SCAMP1: variants seen among roughly 807,000 people sequenced by gnomAD.
SCAMP1 encodes secretory carrier-associated membrane protein 1.
SCAMP1 carries 15 observed loss-of-function variants against 41.8 expected under a neutral mutation model. That is an observed-to-expected ratio of 0.36 (90% CI 0.24 to 0.55). The LOEUF (loss-of-function observed/expected upper bound fraction) is 0.55. Among genes scored for constraint, SCAMP1 ranks in the 20% least tolerant of loss-of-function variants. The pLI is 0.86. For missense variants in SCAMP1, 341 were observed against 412.6 expected (o/e 0.83, Z 1.50); for synonymous variants, 135 against 136.8 (o/e 0.99, Z 0.09).
At chr5:78,425,655 C>T (rs181201628) in intron 6 of SCAMP1, among the ~76,000 whole-genome samples, 21 of 152,216 alleles carry the variant, frequency 1.4e-4, no homozygotes, top group African/African-American at 4.8e-4. Flanking sequence ...CTTATGTGGG[C>T]ATTTACCTTT....
chr5:78,429,364 AT>A (rs35131102), intron 6 of SCAMP1, among the ~76,000 whole-genome samples: 109,917 of 136,550 alleles, frequency 0.8, 44,112 homozygotes, highest in African/African-American at 0.9. Flanking sequence ...TTTTTTTTTA[AT>A]TTTTTTTTAT....
intron 6 of SCAMP1, among the ~76,000 whole-genome samples, chr5:78,447,370 A>G (rs6864066): frequency 0.45 from 68,521 of 151,876 alleles, 16,232 homozygotes; most frequent in Non-Finnish European, 0.5. Flanking sequence ...CTTACTAGAA[A>G]ACTTCAAAAT....
intron 2 of SCAMP1, 28 bp from the exon 3 acceptor site, chr5:78,415,492 A>G (rs763178900): frequency 7.2e-7 from 1 of 1,390,620 alleles, no homozygotes; most frequent in South Asian, 1.3e-5. Context: ...TCTGTGTTAC[A>G]TAATTTTCCT....
chr5:78,369,195 C>T (rs1421595132), intron 1 of SCAMP1, among the ~76,000 whole-genome samples: 2 of 151,808 alleles, frequency 1.3e-5, no homozygotes, highest in African/African-American at 4.8e-5. Context: ...CAACCTCCAC[C>T]ACGCAGGTTC....
At chr5:78,457,631 A>T (rs993005779) in intron 7 of SCAMP1, among the ~76,000 whole-genome samples, 74 of 152,232 alleles carry the variant, frequency 4.9e-4, no homozygotes, top group South Asian at 1.9e-3. Context: ...GTTACTGCTG[A>T]CTTTTTGTTT....
At chr5:78,431,866 AG>A (rs1752633812) in intron 6 of SCAMP1, among the ~76,000 whole-genome samples, 1 of 152,088 alleles carries the variant, frequency 6.6e-6, no homozygotes, top group Non-Finnish European at 1.5e-5. Flanking sequence ...GTATATTTAT[AG>A]GATATATGAG....
At chr5:78,380,978 A>G (rs1378321535) in intron 1 of SCAMP1, among the ~76,000 whole-genome samples, 2 of 152,180 alleles carry the variant, frequency 1.3e-5, no homozygotes, top group Admixed American at 6.5e-5. Flanking sequence ...AGGCAGGAGA[A>G]TCACTTGAAT....
At chr5:78,420,705 TTAA>T (rs1293912699) in intron 5 of SCAMP1, among the ~76,000 whole-genome samples, 1 of 152,104 alleles carries the variant, frequency 6.6e-6, no homozygotes, top group Non-Finnish European at 1.5e-5. Context: ...GGAGCTCTTT[TTAA>T]AAAAAAACAA....
intron 8 of SCAMP1, among the ~76,000 whole-genome samples, chr5:78,474,737 A>C (rs1656020909): frequency 6.6e-6 from 1 of 152,178 alleles, no homozygotes; most frequent in Non-Finnish European, 1.5e-5. Context: ...TGGGCATATA[A>C]TTAATAAATG....
chr5:78,418,951 T>C (rs1752272880), intron 5 of SCAMP1, 48 bp downstream of exon 5: 6 of 1,489,490 alleles, frequency 4.0e-6, no homozygotes, highest in Admixed American at 2.4e-5. Flanking sequence ...GTATTTTTGT[T>C]GTCAAAATCC....
At chr5:78,406,176 T>C (rs946479666) in intron 2 of SCAMP1, among the ~76,000 whole-genome samples, 3 of 152,152 alleles carry the variant, frequency 2.0e-5, no homozygotes, top group Non-Finnish European at 2.9e-5. Flanking sequence ...AGAATCACCA[T>C]GGGGAGTTTG....
At chr5:78,394,738 A>C (rs1401736581) in intron 2 of SCAMP1, among the ~76,000 whole-genome samples, 1 of 151,666 alleles carries the variant, frequency 6.6e-6, no homozygotes, top group Admixed American at 6.6e-5. Flanking sequence ...CTTGGAGCTC[A>C]TTATCTGTCC....
At chr5:78,472,978 C>A (rs2112256926) in intron 8 of SCAMP1, among the ~76,000 whole-genome samples, 1 of 152,180 alleles carries the variant, frequency 6.6e-6, no homozygotes, top group Middle Eastern at 3.4e-3. Context: ...CTATAATACA[C>A]TTCATTTTCT....
In SCAMP1 at chr5:78,476,602, A is replaced by G. The variant is rs935998092; in HGVS notation, c.*934A>G. ...TCTTTTTTGGGGATGTGTGTGTGTG[A>G]TTTTTAACAGAGGTATTAAAGGCTA... On this transcript the variant is annotated 3_prime_UTR_variant, in exon 9 of 9. Transcript: ENST00000621999. The G allele has an allele frequency of 8.5e-5, 13 of 152,574 alleles. No individual in the cohort carries two copies. Among genetic ancestry groups the G allele is most frequent in the African/African-American group, 2.9e-4 (12 of 41,538 alleles). The allele number at this position is 152,574 out of a possible 1,614,324, so 9.5% of individuals were successfully genotyped here.
intron 7 of SCAMP1, among the ~76,000 whole-genome samples, chr5:78,456,258 T>G (rs1411194312): frequency 6.7e-6 from 1 of 148,850 alleles, no homozygotes; most frequent in Non-Finnish European, 1.5e-5. Context: ...GCTCGTTAGT[T>G]GATGCAGTTT....
chr5:78,453,217 T>C (rs1222641851), intron 7 of SCAMP1, among the ~76,000 whole-genome samples: 5 of 151,496 alleles, frequency 3.3e-5, no homozygotes, highest in Non-Finnish European at 7.4e-5. Flanking sequence ...ATTTTGGCTT[T>C]TGTTGCCATT....
intron 6 of SCAMP1, among the ~76,000 whole-genome samples, chr5:78,447,009 C>T (rs1013833806): frequency 1.2e-4 from 18 of 152,356 alleles, no homozygotes; most frequent in African/African-American, 3.8e-4. Flanking sequence ...CACCTGAGCT[C>T]TGCCTCCTGT....
intron 7 of SCAMP1, among the ~76,000 whole-genome samples, chr5:78,456,488 T>C (rs1190215699): frequency 6.6e-6 from 1 of 151,950 alleles, no homozygotes; most frequent in Non-Finnish European, 1.5e-5. Flanking sequence ...AAAATTCTTT[T>C]CTTTAAGAAT....
chr5:78,470,668 A>C (rs1753864497), intron 8 of SCAMP1, among the ~76,000 whole-genome samples: 1 of 152,112 alleles, frequency 6.6e-6, no homozygotes, highest in Admixed American at 6.6e-5. Context: ...TCTTGTGTAC[A>C]TATATACCCA....
Sources: gnomAD v4.1 joint callset for allele counts (sites outside exome capture counted in the v4.1 genomes callset) on GRCh38, gnomAD v4.1.1 for gene constraint, MANE v1.5 for transcripts, NCBI Gene and HGNC (gene_info 2026-07-23, HGNC 2026-07-21) for gene names.